Variants in UBE2K observed in about 807,000 individuals in gnomAD.
UBE2K encodes ubiquitin-conjugating enzyme E2 K.
A neutral mutation model predicts 30.0 loss-of-function variants in UBE2K; 6 were observed. The observed-to-expected ratio is 0.20, with a 90% CI of 0.11 to 0.39. The LOEUF is 0.39. Ranked by LOEUF, UBE2K falls within the 10% of genes least tolerant of loss-of-function variation. The pLI, the probability that UBE2K is intolerant of heterozygous loss-of-function variation, is 1.00. For missense variants in UBE2K, 61 were observed against 241.6 expected, an observed-to-expected ratio of 0.25 and a Z score of 4.96; for synonymous variants, 86 against 83.7, an observed-to-expected ratio of 1.03 and a Z score of -0.15.
At chr4:39,762,094 C>T (rs909567410) in intron 4 of UBE2K, among the ~76,000 whole-genome samples, 1 of 151,858 alleles carries the variant, frequency 6.6e-6, no homozygotes, top group Non-Finnish European at 1.5e-5. Flanking sequence ...CAGAGAATCG[C>T]TTAAACCTGG....
intron 3 of UBE2K, 130 bp downstream of exon 3, chr4:39,745,940 T>G: frequency 1.5e-6 from 1 of 650,340 alleles, no homozygotes; most frequent in Non-Finnish European, 2.4e-6. Context: ...AAACTTGATG[T>G]GGACAGGATT....
intron 4 of UBE2K, among the ~76,000 whole-genome samples, chr4:39,761,715 G>C (rs1711957939): frequency 6.6e-6 from 1 of 152,052 alleles, no homozygotes; most frequent in South Asian, 2.1e-4. Context: ...ATATAGATTT[G>C]ATCACTACTT....
intron 1 of UBE2K, among the ~76,000 whole-genome samples, chr4:39,712,233 G>T (rs1197555972): frequency 1.9e-5 from 2 of 107,798 alleles, no homozygotes; most frequent in Non-Finnish European, 3.4e-5. Context: ...ACCGAGTCTC[G>T]CTCTGTCACC....
rs1713627101 is a variant in UBE2K, at chr4:39,781,789, C to T, written c.*3355C>T. The stretch of plus-strand genomic sequence containing the variant: ...CTTCTACAAAATGTTGTATTAATCA[C>T]TTTTTCTAGTTCAAGGAATTTCAAT... On this transcript the variant is annotated 3_prime_UTR_variant, in exon 7 of 7. Coordinates refer to ENST00000261427, the MANE Select transcript of UBE2K (RefSeq NM_005339.5). 1 of 395,594 alleles carries T rather than the reference C, an allele frequency of 2.5e-6. No individual in the cohort carries two copies. The highest frequency in any genetic ancestry group is 4.4e-5 in the Admixed American group (1 of 22,676). The allele number at this position is 395,594 out of a possible 1,614,324, so 24.5% of individuals were successfully genotyped here.
chr4:39,728,462 C>T (rs1246444835), intron 1 of UBE2K, among the ~76,000 whole-genome samples: 1 of 152,096 alleles, frequency 6.6e-6, no homozygotes, highest in Non-Finnish European at 1.5e-5. Flanking sequence ...GATGATAAAG[C>T]GATGTATTAG....
intron 3 of UBE2K, among the ~76,000 whole-genome samples, chr4:39,751,890 C>G (rs2109368581): frequency 6.6e-6 from 1 of 152,074 alleles, no homozygotes; most frequent in South Asian, 2.1e-4. Flanking sequence ...TCACTTCGGC[C>G]CGGGAGACAG....
intron 1 of UBE2K, among the ~76,000 whole-genome samples, chr4:39,723,916 G>A (rs1213704348): frequency 2.6e-5 from 4 of 151,028 alleles, no homozygotes; most frequent in East Asian, 2.0e-4. Flanking sequence ...GGGTTCAAGC[G>A]ATTCTCCTGC....
In UBE2K at chr4:39,760,176, C is replaced by CAAAA. The variant is rs71194913; in HGVS notation, c.299+4450_299+4453dup. Among the ~76,000 whole-genome samples, 685 of 77,090 alleles carry CAAAA rather than the reference C, an allele frequency of 8.9e-3. 33 individuals carry two copies. Among genetic ancestry groups the CAAAA allele is most frequent in the African/African-American group, 0.012 (188 of 16,346 alleles). The allele number at this position is 77,090 out of a possible 152,430, so 50.6% of individuals were successfully genotyped here. ...TGGGTGACAGAGCGAGACTCTGTCA[C>CAAAA]AAAAAAAAAAAAAAAACAGAAAAAA... On this transcript the variant is annotated intron_variant, in intron 4 of 6. Coordinates refer to ENST00000261427, the MANE Select transcript of UBE2K (RefSeq NM_005339.5).
At chr4:39,702,976 T>C (rs1718120588) in intron 1 of UBE2K, among the ~76,000 whole-genome samples, 1 of 152,054 alleles carries the variant, frequency 6.6e-6, no homozygotes, top group Admixed American at 6.6e-5. Flanking sequence ...CAGACTGCCA[T>C]ATGTTGAGAA....
chr4:39,716,997 C>CAAAAAA (rs71194907), intron 1 of UBE2K, among the ~76,000 whole-genome samples: 1 of 35,064 alleles, frequency 2.9e-5, no homozygotes, highest in Non-Finnish European at 5.6e-5. Context: ...GACTCCATCT[C>CAAAAAA]AAAAAAAAAA....
At chr4:39,734,059 A>T (rs1301003128) in intron 1 of UBE2K, among the ~76,000 whole-genome samples, 1 of 151,228 alleles carries the variant, frequency 6.6e-6, no homozygotes, top group African/African-American at 2.4e-5. Flanking sequence ...TTTTCTTTTT[A>T]TCTTTAGTTC....
chr4:39,768,447 C>CAAAAA (rs35005914), intron 4 of UBE2K, among the ~76,000 whole-genome samples: 2,402 of 87,920 alleles, frequency 0.027, 48 homozygotes, highest in South Asian at 0.065. Context: ...ACTTCGTTTC[C>CAAAAA]AAAAAAAAAA....
intron 1 of UBE2K, among the ~76,000 whole-genome samples, chr4:39,699,845 C>T (rs1444208568): frequency 6.6e-6 from 1 of 152,084 alleles, no homozygotes; most frequent in Non-Finnish European, 1.5e-5. Context: ...TGAACTCTGA[C>T]CTCTATGTTT....
chr4:39,738,254 C>T lies in UBE2K; in HGVS notation c.157+741C>T, dbSNP rs570857578. Among the ~76,000 whole-genome samples the T allele has an allele frequency of 2.0e-5, 3 of 152,120 alleles. No homozygotes were observed. In the East Asian group the frequency reaches 5.8e-4, roughly 29 times the overall value. On this transcript the variant is annotated intron_variant, in intron 2 of 6. Coordinates refer to ENST00000261427, the MANE Select transcript of UBE2K (RefSeq NM_005339.5). ...AAACATATAACAATATATGGTAACC[C>T]TAATTATACAGTCTTTACATGTATT...
chr4:39,756,789 G>C lies in UBE2K; in HGVS notation c.299+1050G>C, dbSNP rs139533939. Among the ~76,000 whole-genome samples, 25 of 152,170 alleles carry C rather than the reference G, an allele frequency of 1.6e-4. No individual in the cohort carries two copies. The East Asian group carries it at 4.6e-3, about 28-fold the overall frequency. On this transcript the variant is annotated intron_variant, in intron 4 of 6. Transcript: ENST00000261427. Reference sequence around the variant, plus strand: ...GGAGTGGGAGAAAACCATAAAACTAGAAAAAATCAATTAAGTGAGTGTCTA... The same window carrying C: ...GGAGTGGGAGAAAACCATAAAACTACAAAAAATCAATTAAGTGAGTGTCTA...
At chr4:39,756,335 T>TA (rs1177300534) in intron 4 of UBE2K, among the ~76,000 whole-genome samples, 1 of 152,246 alleles carries the variant, frequency 6.6e-6, no homozygotes, top group East Asian at 1.9e-4. Context: ...GCAAATTACC[T>TA]AAAGTCTGTG....
At chr4:39,771,477 GTTTT>G (rs201642517) in intron 4 of UBE2K, 1 of 1,481,682 alleles carries the variant, frequency 6.7e-7, no homozygotes, top group South Asian at 1.3e-5. Flanking sequence ...TCCGCGCGCT[GTTTT>G]TTTTTAATCC....
chr4:39,710,934 T>C (rs1030854156), intron 1 of UBE2K, among the ~76,000 whole-genome samples: 2 of 152,042 alleles, frequency 1.3e-5, no homozygotes, highest in South Asian at 2.1e-4. Flanking sequence ...CTGTAAAACA[T>C]AGAGGTAAAG....
At chr4:39,772,934 G>A (rs562682678) in intron 4 of UBE2K, among the ~76,000 whole-genome samples, 4 of 151,516 alleles carry the variant, frequency 2.6e-5, no homozygotes, top group South Asian at 4.2e-4. Flanking sequence ...ATGATTGCCC[G>A]CCCTGGCCTC....
Sources: gnomAD v4.1 joint callset for allele counts (sites outside exome capture counted in the v4.1 genomes callset) on GRCh38, gnomAD v4.1.1 for gene constraint, MANE v1.5 for transcripts, NCBI Gene and HGNC (gene_info 2026-07-23, HGNC 2026-07-21) for gene names.